Variants in INPP5B observed in about 807,000 individuals in gnomAD.
The protein encoded by INPP5B is type II inositol 1,4,5-trisphosphate 5-phosphatase.
Under a neutral mutation model 118.5 loss-of-function variants are expected in INPP5B, and 90 were observed. That is an observed-to-expected ratio of 0.76 (90% CI 0.64 to 0.90). INPP5B has a LOEUF of 0.90. Among genes scored for constraint, INPP5B ranks in the 40% least tolerant of loss-of-function variants. The pLI is 0.00. For missense variants in INPP5B, 984 were observed against 1,125.6 expected (o/e 0.87, Z 1.80); for synonymous variants, 385 against 418.9 (o/e 0.92, Z 0.99).
At chr1:37,902,497 A>C in intron 7 of INPP5B, among the ~76,000 whole-genome samples, 1 of 152,174 alleles carries the variant, frequency 6.6e-6, no homozygotes, top group Admixed American at 6.5e-5. Context: ...TGAGAAGCTG[A>C]GGCAGGAGGA....
intron 22 of INPP5B, 177 bp from the exon 23 acceptor site, chr1:37,864,600 G>A (rs1641916199): frequency 8.6e-6 from 4 of 462,552 alleles, no homozygotes. Context: ...AATGCAACAT[G>A]AATTTAGAAG....
At chr1:37,936,118 G>C (rs1645679443) in intron 6 of INPP5B, among the ~76,000 whole-genome samples, 1 of 151,958 alleles carries the variant, frequency 6.6e-6, no homozygotes, top group Non-Finnish European at 1.5e-5. Flanking sequence ...AAGCTATAGG[G>C]CAAAGTCCAA....
Position 37,862,477 on chromosome 1 carries a change from C to G in INPP5B, c.2627-47G>C, listed in dbSNP as rs759490199. The G allele has an allele frequency of 2.0e-5, 24 of 1,182,626 alleles. No individual in the cohort carries two copies. In the East Asian group the frequency reaches 5.3e-4, roughly 26 times the overall value. 73.3% of individuals were successfully genotyped at this position (1,182,626 alleles called of 1,614,324 possible). On this transcript the variant is annotated intron_variant, in intron 23 of 23. Transcript: ENST00000373024. ...AGAAATGATTCAGCAAAAGAAGGTA[C>G]TAAAGACACACATCACTTAACGACA...
rs531922236 is a variant in INPP5B at position 37,871,730 on chromosome 1, C to A, written c.2187+1200G>T. Among the ~76,000 whole-genome samples, 6 of 151,464 alleles carry A rather than the reference C, an allele frequency of 4.0e-5. No individual in the cohort carries two copies. In the South Asian group the frequency reaches 1.3e-3, roughly 32 times the overall value. ...CCAGCCTGGCCAACATGGTGAAATCCCGTCTCTACTAAAATACCAAAATTA... is the reference window on the plus strand; with the variant it reads ...CCAGCCTGGCCAACATGGTGAAATCACGTCTCTACTAAAATACCAAAATTA... On this transcript the variant is annotated intron_variant, in intron 19 of 23. Transcript: ENST00000373024.
intron 7 of INPP5B, among the ~76,000 whole-genome samples, chr1:37,898,650 G>T: frequency 6.6e-6 from 1 of 151,430 alleles, no homozygotes; most frequent in Middle Eastern, 3.4e-3. Flanking sequence ...AGCCGAGATC[G>T]CGCCACTGCA....
At position 37,945,935 on chromosome 1, in the gene INPP5B, C is replaced by A. The variant is rs544630961; in HGVS notation, c.58-85G>T. 9.6e-5 allele frequency: 121 copies of A among 1,256,072 alleles called. No individual in the cohort carries two copies. The South Asian group carries it at 1.0e-3, about 11-fold the overall frequency. The allele number at this position is 1,256,072 out of a possible 1,614,324, so 77.8% of individuals were successfully genotyped here. On this transcript the variant is annotated intron_variant, in intron 2 of 23. Coordinates refer to ENST00000373024, the MANE Select transcript of INPP5B (RefSeq NM_005540.3). ...TCCCACCTTCCCTCTGTTCCCCTGC[C>A]CCCCCAGATTCACTGTGTGGCCTTG...
chr1:37,899,807 G>A lies in INPP5B; in HGVS notation c.533-8353C>T, dbSNP rs190651973. Among the ~76,000 whole-genome samples, 3 of 151,680 alleles carry A rather than the reference G, an allele frequency of 2.0e-5. No individual in the cohort carries two copies. The East Asian group carries it at 5.8e-4, about 30-fold the overall frequency. Reference sequence around the variant, plus strand: ...TCGGCTCACTGAAGCTTCGCCTGCCGGGTTCACGCCATTCTCCTGCCTCAG... The same window carrying A: ...TCGGCTCACTGAAGCTTCGCCTGCCAGGTTCACGCCATTCTCCTGCCTCAG... On this transcript the variant is annotated intron_variant, in intron 7 of 23. Transcript: ENST00000373024.
intron 6 of INPP5B, among the ~76,000 whole-genome samples, chr1:37,938,288 A>AATAAATAC: frequency 7.1e-6 from 1 of 141,396 alleles, no homozygotes; most frequent in Non-Finnish European, 1.6e-5. Flanking sequence ...TAAATAAATA[A>AATAAATAC]ATAAATAAAT....
intron 16 of INPP5B, among the ~76,000 whole-genome samples, chr1:37,876,770 C>A (rs2148478898): frequency 1.3e-5 from 2 of 150,172 alleles, no homozygotes; most frequent in South Asian, 2.1e-4. Flanking sequence ...GTCCCAGCTA[C>A]TCGGGAGGCT....
intron 7 of INPP5B, among the ~76,000 whole-genome samples, chr1:37,916,395 T>C (rs1040832509): frequency 1.6e-5 from 2 of 124,288 alleles, no homozygotes; most frequent in African/African-American, 5.6e-5. Context: ...CAGTCTGGGC[T>C]TTTTCTTTTT....
chr1:37,937,830 T>G (rs1327655236), intron 6 of INPP5B, among the ~76,000 whole-genome samples: 1 of 151,798 alleles, frequency 6.6e-6, no homozygotes, highest in African/African-American at 2.4e-5. Context: ...TAGCCAGGCA[T>G]AGTGGCAGGT....
chr1:37,875,353 C>T (rs1160425956), intron 17 of INPP5B, among the ~76,000 whole-genome samples: 1 of 152,156 alleles, frequency 6.6e-6, no homozygotes, highest in Non-Finnish European at 1.5e-5. Flanking sequence ...ACTGCAAGCT[C>T]CACCTCCCAG....
intron 16 of INPP5B, among the ~76,000 whole-genome samples, chr1:37,876,607 C>G (rs1482154857): frequency 1.4e-5 from 2 of 143,554 alleles, no homozygotes; most frequent in African/African-American, 2.6e-5. Flanking sequence ...CGCCAGTAAT[C>G]CCAGCACTTT....
At chr1:37,937,659 C>T (rs941768465) in intron 6 of INPP5B, among the ~76,000 whole-genome samples, 8 of 151,552 alleles carry the variant, frequency 5.3e-5, no homozygotes, top group Non-Finnish European at 8.8e-5. Context: ...CCCAGCTACT[C>T]GGGACGCTGA....
intron 13 of INPP5B, chr1:37,883,658 G>A: frequency 1.0e-6 from 1 of 985,364 alleles, no homozygotes; most frequent in Middle Eastern, 5.2e-4. Flanking sequence ...CATAAGCTGC[G>A]ACCTCACAAA....
At chr1:37,929,583 G>T (rs1645369873) in intron 7 of INPP5B, 1 of 152,046 alleles carries the variant, frequency 6.6e-6, no homozygotes, top group Non-Finnish European at 1.5e-5. Flanking sequence ...ACCTGTTATA[G>T]AAGATGTAAC....
chr1:37,900,545 G>T (rs1455444104), intron 7 of INPP5B, among the ~76,000 whole-genome samples: 3 of 151,190 alleles, frequency 2.0e-5, no homozygotes, highest in Non-Finnish European at 4.4e-5. Flanking sequence ...GAGCCACTGC[G>T]CCCGGCTGAA....
chr1:37,876,919 G>C (rs927440717), intron 16 of INPP5B, among the ~76,000 whole-genome samples: 77 of 151,648 alleles, frequency 5.1e-4, no homozygotes, highest in African/African-American at 1.8e-3. Flanking sequence ...CACACATACA[G>C]GCATGCCTGT....
intron 7 of INPP5B, among the ~76,000 whole-genome samples, chr1:37,892,626 C>A (rs1212150144): frequency 6.6e-6 from 1 of 152,190 alleles, no homozygotes; most frequent in Non-Finnish European, 1.5e-5. Flanking sequence ...ACCATGCATT[C>A]ACATGAACCA....
Sources: allele counts gnomAD v4.1 joint callset (sites outside exome capture counted in the v4.1 genomes callset), GRCh38; gene constraint gnomAD v4.1.1; transcripts MANE v1.5; gene names NCBI Gene and HGNC (gene_info 2026-07-23, HGNC 2026-07-21).